Variants in PCDHA6 observed in about 807,000 individuals in gnomAD.
The protein encoded by PCDHA6 is protocadherin alpha-6.
PCDHA6 carries 55 observed loss-of-function variants against 60.3 expected under a neutral mutation model. That is an observed-to-expected ratio of 0.91 (90% CI 0.73 to 1.14). PCDHA6 has a LOEUF of 1.14. Ranked by LOEUF, PCDHA6 falls within the 50% of genes most tolerant of loss-of-function variation. PCDHA6 has a pLI of 0.00. For synonymous variants in PCDHA6, 652 were observed against 557.9 expected, an observed-to-expected ratio of 1.17 and a Z score of -2.38; for missense variants, 1,327 against 1,256.5, an observed-to-expected ratio of 1.06 and a Z score of -0.85.
At chr5:140,874,124 T>C (rs926046559) in intron 1 of PCDHA6, among the ~76,000 whole-genome samples, 1 of 152,266 alleles carries the variant, frequency 6.6e-6, no homozygotes, top group Non-Finnish European at 1.5e-5. Flanking sequence ...TTATAGTTTA[T>C]TTAAGTTATC....
intron 1 of PCDHA6, among the ~76,000 whole-genome samples, chr5:140,914,496 C>A (rs782459538): frequency 1.2e-4 from 19 of 152,136 alleles, no homozygotes; most frequent in Non-Finnish European, 4.4e-5. Context: ...TTGTGGGCAA[C>A]AGATCATTGG....
intron 1 of PCDHA6, chr5:140,841,169 T>G (rs1426185957): frequency 4.1e-6 from 4 of 972,304 alleles, no homozygotes; most frequent in Non-Finnish European, 6.0e-6. Context: ...GAAGTTCTGG[T>G]TGGTCAATGT....
chr5:140,834,632 T>C (rs1424749324), intron 1 of PCDHA6: 7 of 1,613,948 alleles, frequency 4.3e-6, no homozygotes, highest in African/African-American at 2.7e-5. Context: ...AGAATGGCAT[T>C]TTGTTTGTGA....
chr5:140,915,630 C>G (rs2077218866), intron 1 of PCDHA6, among the ~76,000 whole-genome samples: 1 of 142,802 alleles, frequency 7.0e-6, no homozygotes, highest in South Asian at 2.1e-4. Flanking sequence ...CTTTCTGTCT[C>G]TCTCTCTCTC....
chr5:140,988,444 A>G (rs1554250146), intron 3 of PCDHA6, among the ~76,000 whole-genome samples: 1 of 152,112 alleles, frequency 6.6e-6, no homozygotes, highest in Non-Finnish European at 1.5e-5. Flanking sequence ...GATTGACCTG[A>G]AGGGAGGAAG....
rs782328804 is a variant in PCDHA6, at chr5:140,882,548, G to A, written c.2394+52063G>A. The A allele has an allele frequency of 5.3e-5, 86 of 1,614,126 alleles. No homozygotes were observed. The highest frequency in any genetic ancestry group is 4.9e-4 in the East Asian group (22 of 44,902). ...TGTGAATTCTCGGATCGACCGCGAG[G>A]AGCTGTGTGGGCGGAGCGCGGAGTG... On this transcript the variant is annotated intron_variant, in intron 1 of 3. Transcript: ENST00000529310.
intron 3 of PCDHA6, among the ~76,000 whole-genome samples, chr5:140,999,234 G>T (rs1327126129): frequency 1.3e-5 from 2 of 152,232 alleles, no homozygotes; most frequent in African/African-American, 4.8e-5. Context: ...AGAATAGGTG[G>T]TTAAAGTGGG....
chr5:140,843,412 C>A, intron 1 of PCDHA6: 3 of 1,596,066 alleles, frequency 1.9e-6, no homozygotes, highest in Non-Finnish European at 2.6e-6. Flanking sequence ...TGGATGTCAA[C>A]GTGTACCTGA....
chr5:140,843,045 G>A (rs1219663342), intron 1 of PCDHA6: 1 of 1,594,956 alleles, frequency 6.3e-7, no homozygotes, highest in Non-Finnish European at 8.6e-7. Flanking sequence ...GGCACTGGTG[G>A]CGCAGCGAGC....
intron 1 of PCDHA6, among the ~76,000 whole-genome samples, chr5:140,957,730 T>G (rs1044691694): frequency 6.6e-6 from 1 of 152,144 alleles, no homozygotes; most frequent in Non-Finnish European, 1.5e-5. Flanking sequence ...AGCAGAATTA[T>G]ATATACTGAC....
chr5:140,920,583 C>A (rs1287573835), intron 1 of PCDHA6, among the ~76,000 whole-genome samples: 1 of 152,106 alleles, frequency 6.6e-6, no homozygotes, highest in African/African-American at 2.4e-5. Context: ...CAGTGGCTCA[C>A]GCCTGTAATC....
At chr5:140,869,718 T>A (rs1228223839) in intron 1 of PCDHA6, 19 of 1,613,290 alleles carry the variant, frequency 1.2e-5, no homozygotes, top group Non-Finnish European at 1.2e-5. Flanking sequence ...GAGAGAAAAC[T>A]CCGGAACTTA....
chr5:140,903,339 A>T (rs1176958912), intron 1 of PCDHA6, among the ~76,000 whole-genome samples: 1 of 152,206 alleles, frequency 6.6e-6, no homozygotes, highest in African/African-American at 2.4e-5. Context: ...GAAAGGATGC[A>T]TTTTAAAAAA....
At chr5:140,952,301 T>C (rs246036) in intron 1 of PCDHA6, among the ~76,000 whole-genome samples, 3 of 149,380 alleles carry the variant, frequency 2.0e-5, no homozygotes. Flanking sequence ...CACAGCCATT[T>C]CACTCCAGCC....
rs781944777 is a variant in PCDHA6, at chr5:140,978,930, T to A, written c.2395-19T>A. ...TTGTCTTGTCATTTTAACAGAAAAC[T>A]CTCTTTGTGATTTTGCAGCCACGAC... On this transcript the variant is annotated intron_variant, in intron 1 of 3. Transcript: ENST00000529310. The A allele has an allele frequency of 1.2e-6, 2 of 1,614,088 alleles. No homozygotes were observed. The highest frequency in any genetic ancestry group is 8.5e-7 in the Non-Finnish European group (1 of 1,180,010).
At chr5:140,885,349 AG>A (rs2060568168) in intron 1 of PCDHA6, among the ~76,000 whole-genome samples, 1 of 152,206 alleles carries the variant, frequency 6.6e-6, no homozygotes, top group African/African-American at 2.4e-5. Context: ...GATTTCCAAA[AG>A]GTACTGGTGA....
chr5:140,982,441 T>G (rs368663739), intron 2 of PCDHA6, 34 bp from the exon 3 acceptor site: 18 of 1,613,728 alleles, frequency 1.1e-5, no homozygotes, highest in Non-Finnish European at 1.5e-5. Flanking sequence ...GAATTTATGA[T>G]CTAACCGTTA....
intron 1 of PCDHA6, among the ~76,000 whole-genome samples, chr5:140,887,221 C>T (rs149306651): frequency 9.2e-5 from 14 of 151,858 alleles, no homozygotes; most frequent in Non-Finnish European, 1.3e-4. Flanking sequence ...CTCAGCCTCC[C>T]GAGTAGCTGA....
At chr5:140,834,629 C>A (rs2150222976) in intron 1 of PCDHA6, 3 of 1,614,154 alleles carry the variant, frequency 1.9e-6, no homozygotes, top group Non-Finnish European at 2.5e-6. Flanking sequence ...TGCAGAATGG[C>A]ATTTTGTTTG....
Sources: allele counts gnomAD v4.1 joint callset (sites outside exome capture counted in the v4.1 genomes callset), GRCh38; gene constraint gnomAD v4.1.1; transcripts MANE v1.5; gene names NCBI Gene and HGNC (gene_info 2026-07-23, HGNC 2026-07-21).